The following TDRP variants were observed in gnomAD, a reference collection of about 807,000 sequenced individuals.
TDRP encodes the protein testis development-related protein.
Under a neutral mutation model 10.5 loss-of-function variants are expected in TDRP, and 12 were observed. That is an observed-to-expected ratio of 1.15 (90% CI 0.73 to 1.86). The LOEUF (loss-of-function observed/expected upper bound fraction) is 1.86. TDRP is among the 40% of genes most tolerant of loss of function. The pLI is 0.00. For synonymous variants in TDRP, 139 were observed against 95.4 expected, an observed-to-expected ratio of 1.46 and a Z score of -2.67; for missense variants, 353 against 229.2, an observed-to-expected ratio of 1.54 and a Z score of -3.49.
chr8:493,861 A>C (rs1801052192), intron 2 of TDRP, among the ~76,000 whole-genome samples: 1 of 152,116 alleles, frequency 6.6e-6, no homozygotes, highest in Non-Finnish European at 1.5e-5. Flanking sequence ...AAGGCTAATA[A>C]GTTCAATTTA....
At chr8:534,347 C>T (rs914535052) in intron 1 of TDRP, among the ~76,000 whole-genome samples, 2 of 152,196 alleles carry the variant, frequency 1.3e-5, no homozygotes, top group Non-Finnish European at 2.9e-5. Context: ...CTAGGGTTCC[C>T]GCGAGCCTCT....
intron 1 of TDRP, among the ~76,000 whole-genome samples, chr8:543,926 G>A (rs1367196460): frequency 7.1e-6 from 1 of 140,402 alleles, no homozygotes; most frequent in Non-Finnish European, 1.6e-5. Context: ...TGGAAAAAGG[G>A]AGGGGGGGGG....
intron 1 of TDRP, among the ~76,000 whole-genome samples, chr8:536,784 G>A (rs561701350): frequency 6.6e-6 from 1 of 152,246 alleles, no homozygotes; most frequent in Non-Finnish European, 1.5e-5. Flanking sequence ...ACAGGCAGGA[G>A]CTCCCCAAGC....
intron 1 of TDRP, among the ~76,000 whole-genome samples, chr8:499,579 T>A (rs564769456): frequency 6.6e-6 from 1 of 152,150 alleles, no homozygotes; most frequent in Non-Finnish European, 1.5e-5. Context: ...GGTGAGCAAT[T>A]AGAAGAGGTT....
At chr8:523,471 T>C (rs993519261) in intron 1 of TDRP, among the ~76,000 whole-genome samples, 2 of 152,126 alleles carry the variant, frequency 1.3e-5, no homozygotes, top group African/African-American at 4.8e-5. Context: ...TCAGCCACAG[T>C]AGGGTATAGC....
chr8:494,622 C>T, intron 1 of TDRP, 25 bp from the exon 2 acceptor site: 1 of 1,595,004 alleles, frequency 6.3e-7, no homozygotes, highest in South Asian at 1.1e-5. Flanking sequence ...AGAAAAATGT[C>T]AAATCTGATG....
chr8:501,747 C>A (rs1801308229), intron 1 of TDRP, among the ~76,000 whole-genome samples: 1 of 152,224 alleles, frequency 6.6e-6, no homozygotes, highest in Non-Finnish European at 1.5e-5. Flanking sequence ...AGGAACACTG[C>A]ATCACAGCAG....
In TDRP at chr8:491,043, A is replaced by T. The variant is rs981451024; in HGVS notation, c.*1356T>A. The T allele has an allele frequency of 6.6e-6, 1 of 152,254 alleles. No individual in the cohort carries two copies. Among genetic ancestry groups the T allele is most frequent in the Non-Finnish European group, 1.5e-5 (1 of 68,056 alleles). The allele number at this position is 152,254 out of a possible 1,614,324, so 9.4% of individuals were successfully genotyped here. The stretch of plus-strand genomic sequence containing the variant: ...TGCAAAAGTAATTGCTGTTTTTTGC[A>T]TAACAGATGACAGATCAAGTAAACC... On this transcript the variant is annotated 3_prime_UTR_variant, in exon 3 of 3. Transcript: ENST00000324079.
In TDRP at chr8:491,668, A is replaced by C; in HGVS notation, c.*731T>G. On this transcript the variant is annotated 3_prime_UTR_variant, in exon 3 of 3. Transcript: ENST00000324079. ...GACTAAAATTGATCCATACTTCTTT[A>C]ATCTGTAAACAAAAAAGAGAGCAAA... 6.6e-7 allele frequency: 1 copy of C among 1,518,864 alleles called. No homozygotes were observed. Among genetic ancestry groups the C allele is most frequent in the South Asian group, 1.3e-5 (1 of 79,580 alleles). 94.1% of individuals were successfully genotyped at this position (1,518,864 alleles called of 1,614,324 possible).
At chr8:540,539 T>C (rs1414767871) in intron 1 of TDRP, among the ~76,000 whole-genome samples, 1 of 152,164 alleles carries the variant, frequency 6.6e-6, no homozygotes, top group East Asian at 1.9e-4. Context: ...TCAAGTAACA[T>C]TAGATTCATG....
At chr8:495,648 G>C (rs528200715) in intron 1 of TDRP, among the ~76,000 whole-genome samples, 4 of 152,156 alleles carry the variant, frequency 2.6e-5, no homozygotes, top group South Asian at 4.1e-4. Context: ...GGTCTCTCAC[G>C]GGGTAGAGCC....
At chr8:519,671 G>T (rs1333917000) in intron 1 of TDRP, among the ~76,000 whole-genome samples, 1 of 151,962 alleles carries the variant, frequency 6.6e-6, no homozygotes, top group African/African-American at 2.4e-5. Flanking sequence ...CTTGTAAAAA[G>T]AACCCAAAAT....
intron 1 of TDRP, among the ~76,000 whole-genome samples, chr8:501,171 A>C (rs1294416956): frequency 1.3e-5 from 2 of 151,500 alleles, no homozygotes; most frequent in African/African-American, 2.4e-5. Flanking sequence ...GCGCCACTGC[A>C]CTCCAGCCTG....
At chr8:513,700 G>C (rs577187998) in intron 1 of TDRP, among the ~76,000 whole-genome samples, 4 of 152,264 alleles carry the variant, frequency 2.6e-5, no homozygotes, top group African/African-American at 9.6e-5. Flanking sequence ...GAAACAAAAT[G>C]AAACTATCTC....
chr8:510,300 C>A lies in TDRP; in HGVS notation c.109-15703G>T, dbSNP rs369512596. Reference sequence around the variant, plus strand: ...TGCATGTTTGTCTTTCTGGTAACCACCCCCCATCCCGAGGCTATCTAGGGG... The same window carrying A: ...TGCATGTTTGTCTTTCTGGTAACCAACCCCCATCCCGAGGCTATCTAGGGG... On this transcript the variant is annotated intron_variant, in intron 1 of 2. Transcript: ENST00000324079. Among the ~76,000 whole-genome samples the A allele has an allele frequency of 1.7e-4, 26 of 152,238 alleles. No individual in the cohort carries two copies. In the East Asian group the frequency reaches 4.0e-3, roughly 24 times the overall value.
intron 1 of TDRP, among the ~76,000 whole-genome samples, chr8:543,896 C>A (rs902595069): frequency 4.2e-5 from 5 of 120,252 alleles, no homozygotes; most frequent in Non-Finnish European, 7.8e-5. Context: ...TTTCATTGTA[C>A]ATGAAAAAGA....
intron 1 of TDRP, among the ~76,000 whole-genome samples, chr8:518,686 A>C (rs980785640): frequency 1.3e-5 from 2 of 152,200 alleles, no homozygotes; most frequent in Non-Finnish European, 2.9e-5. Flanking sequence ...AAAGAATCTG[A>C]TCTCAGGGAA....
intron 1 of TDRP, among the ~76,000 whole-genome samples, chr8:524,146 G>C (rs1270641784): frequency 2.0e-5 from 3 of 152,208 alleles, no homozygotes; most frequent in South Asian, 4.1e-4. Context: ...AACAACAAGA[G>C]TTTCTGCCTG....
At position 492,409 on chromosome 8, in the gene TDRP, T is replaced by G. The variant is rs757523693; in HGVS notation, c.548A>C (p.Glu183Ala). 1.3e-6 allele frequency: 2 copies of G among 1,535,362 alleles called. No individual in the cohort carries two copies. Among genetic ancestry groups the G allele is most frequent in the East Asian group, 2.3e-5 (1 of 43,532 alleles). ...GCCACGCAGCCCCCCTCACTCCGCC[T>G]CCTCCGGGCTATCTGTCAGGTGGCC... Reference protein sequence around the residue: ...SKGHLTDSPEEAE With the variant: ...SKGHLTDSPEAAE Residue 183 changes from glutamate to alanine, a missense_variant, in exon 3 of 3, where the codon GAG (glutamate) becomes GCG (alanine). Glu to Ala is a moderately radical substitution (Grantham distance 107). Coordinates refer to ENST00000324079, the MANE Select transcript of TDRP (RefSeq NM_001384899.1).
Sources: gnomAD v4.1 joint callset for allele counts (sites outside exome capture counted in the v4.1 genomes callset) on GRCh38, gnomAD v4.1.1 for gene constraint, MANE v1.5 for transcripts, NCBI Gene and HGNC (gene_info 2026-07-23, HGNC 2026-07-21) for gene names.